Variants in CCSER1 observed in about 807,000 individuals in gnomAD.
CCSER1 encodes serine-rich coiled-coil domain-containing protein 1.
In CCSER1, 41 loss-of-function variants were observed where a neutral mutation model predicts 82.0. The ratio of observed to expected loss-of-function variants is 0.50; its 90% CI spans 0.39 to 0.65. CCSER1 has a LOEUF of 0.65. Among genes scored for constraint, CCSER1 ranks in the 30% least tolerant of loss-of-function variants. The probability of loss-of-function intolerance (pLI) is 0.00; values close to 1 mark genes in which losing one functional copy is unlikely to be tolerated. For missense variants in CCSER1, 1,119 were observed against 1,064.2 expected (o/e 1.05, Z -0.72); for synonymous variants, 414 against 383.9 (o/e 1.08, Z -0.92).
chr4:91,054,693 A>G (rs1743289591), intron 9 of CCSER1, among the ~76,000 whole-genome samples: 1 of 147,800 alleles, frequency 6.8e-6, no homozygotes, highest in Admixed American at 6.7e-5. Context: ...GCAGTATCTC[A>G]GATTTGAGAT....
chr4:91,074,743 T>C (rs1334905056), intron 9 of CCSER1, among the ~76,000 whole-genome samples: 1 of 152,240 alleles, frequency 6.6e-6, no homozygotes, highest in Non-Finnish European at 1.5e-5. Flanking sequence ...AGCTCTTTCC[T>C]GTGCCTTCAC....
intron 10 of CCSER1, among the ~76,000 whole-genome samples, chr4:91,565,591 T>C (rs1269842653): frequency 6.6e-6 from 1 of 151,884 alleles, no homozygotes; most frequent in African/African-American, 2.4e-5. Context: ...AGTTTTTTAT[T>C]ATTTCATTGT....
intron 10 of CCSER1, among the ~76,000 whole-genome samples, chr4:91,413,982 T>C (rs1010524471): frequency 6.6e-6 from 1 of 152,120 alleles, no homozygotes; most frequent in Non-Finnish European, 1.5e-5. Context: ...AAAGACATTA[T>C]AGATAAACAA....
At chr4:91,522,184 G>A (rs897606235) in intron 10 of CCSER1, among the ~76,000 whole-genome samples, 12 of 152,296 alleles carry the variant, frequency 7.9e-5, no homozygotes, top group African/African-American at 2.6e-4. Context: ...AGATCAGATG[G>A]TTGTAGATGT....
chr4:90,567,033 A>AAAAC (rs56979858), intron 5 of CCSER1, among the ~76,000 whole-genome samples: 67,075 of 150,076 alleles, frequency 0.45, 18,349 homozygotes, highest in African/African-American at 0.77. Flanking sequence ...AACAAAAACA[A>AAAAC]AAACAAAAAA....
At chr4:90,957,592 T>TA (rs1733638519) in intron 9 of CCSER1, among the ~76,000 whole-genome samples, 3 of 126,350 alleles carry the variant, frequency 2.4e-5, no homozygotes, top group Admixed American at 9.7e-5. Context: ...TATATTATTA[T>TA]TTATATTATA....
At chr4:91,115,859 A>ATAT (rs1554069630) in intron 10 of CCSER1, among the ~76,000 whole-genome samples, 15 of 102,238 alleles carry the variant, frequency 1.5e-4, no homozygotes, top group African/African-American at 2.4e-4. Context: ...ATATATATAT[A>ATAT]TTTTTTTTTA....
chr4:90,231,823 C>T (rs1186343611), intron 1 of CCSER1, among the ~76,000 whole-genome samples: 2 of 150,712 alleles, frequency 1.3e-5, no homozygotes, highest in Non-Finnish European at 2.9e-5. Flanking sequence ...TCTTATACAC[C>T]AACAACAGAC....
intron 1 of CCSER1, among the ~76,000 whole-genome samples, chr4:90,159,462 G>C (rs1003038600): frequency 2.0e-5 from 3 of 152,168 alleles, no homozygotes; most frequent in African/African-American, 7.2e-5. Flanking sequence ...AGCAGTCTGT[G>C]AATGTCTAAC....
At position 90,533,253 on chromosome 4, in the gene CCSER1, G is replaced by C. The variant is rs184955681; in HGVS notation, c.1724+64899G>C. Among the ~76,000 whole-genome samples the C allele has an allele frequency of 5.4e-3, 813 of 151,844 alleles. 3 individuals are homozygous for C. The highest frequency in any genetic ancestry group is 7.2e-3 in the Non-Finnish European group (488 of 67,890). On this transcript the variant is annotated intron_variant, in intron 5 of 10. Coordinates refer to ENST00000509176, the MANE Select transcript of CCSER1 (RefSeq NM_001145065.2). ...ACTACAGGCGCCTGCCACCACGCCT[G>C]GCAACTTTTTTTTTTGTATTTTTAG...
At chr4:91,069,874 T>C (rs114491811) in intron 9 of CCSER1, among the ~76,000 whole-genome samples, 1,666 of 152,294 alleles carry the variant, frequency 0.011, 27 homozygotes, top group African/African-American at 0.037. Context: ...CAGAAACCCA[T>C]TGAATGCCAT....
At chr4:91,412,457 T>C (rs1753110822) in intron 10 of CCSER1, among the ~76,000 whole-genome samples, 1 of 152,004 alleles carries the variant, frequency 6.6e-6, no homozygotes, top group Admixed American at 6.6e-5. Context: ...CACACACATC[T>C]GTGAAATTGG....
intron 9 of CCSER1, among the ~76,000 whole-genome samples, chr4:90,965,465 A>G (rs73834711): frequency 0.033 from 5,010 of 152,212 alleles, 268 homozygotes; most frequent in African/African-American, 0.1. Context: ...AAACCATCAG[A>G]TCGTTGAAGA....
intron 8 of CCSER1, among the ~76,000 whole-genome samples, chr4:90,846,694 A>G (rs948923961): frequency 2.6e-5 from 4 of 151,730 alleles, no homozygotes; most frequent in Non-Finnish European, 2.9e-5. Context: ...GTATTTTTGT[A>G]CCCATTAACC....
chr4:91,326,730 A>G (rs1412300346), intron 10 of CCSER1, among the ~76,000 whole-genome samples: 1 of 152,124 alleles, frequency 6.6e-6, no homozygotes, highest in Non-Finnish European at 1.5e-5. Flanking sequence ...AGCCTGTAAA[A>G]CAAAAAACAA....
chr4:91,507,796 G>A (rs1759582643), intron 10 of CCSER1, among the ~76,000 whole-genome samples: 1 of 151,118 alleles, frequency 6.6e-6, no homozygotes, highest in Admixed American at 6.6e-5. Context: ...GGATGCTTTT[G>A]GTGTCTTATC....
chr4:90,994,278 T>A (rs2150456054), intron 9 of CCSER1, among the ~76,000 whole-genome samples: 1 of 152,246 alleles, frequency 6.6e-6, no homozygotes, highest in Non-Finnish European at 1.5e-5. Context: ...CATAGCTTAA[T>A]CTAGCCTAAC....
At chr4:91,506,526 T>A (rs995333086) in intron 10 of CCSER1, among the ~76,000 whole-genome samples, 3 of 152,158 alleles carry the variant, frequency 2.0e-5, no homozygotes, top group African/African-American at 7.2e-5. Context: ...ATTTAATCTA[T>A]AAATTAGCCA....
At chr4:90,290,828 G>A (rs192923348) in intron 1 of CCSER1, among the ~76,000 whole-genome samples, 86 of 152,080 alleles carry the variant, frequency 5.7e-4, no homozygotes, top group African/African-American at 1.7e-3. Flanking sequence ...AACATTCCTA[G>A]AGCAGCAATA....
Sources: gnomAD v4.1 joint callset for allele counts (sites outside exome capture counted in the v4.1 genomes callset) on GRCh38, gnomAD v4.1.1 for gene constraint, MANE v1.5 for transcripts, NCBI Gene and HGNC (gene_info 2026-07-23, HGNC 2026-07-21) for gene names.